The following ZNF438 variants were observed in gnomAD, a reference collection of about 807,000 sequenced individuals.
ZNF438 encodes the protein zinc finger protein 438.
Under a neutral mutation model 38.0 loss-of-function variants are expected in ZNF438, and 25 were observed. That is an observed-to-expected ratio of 0.66 (90% confidence interval 0.48 to 0.92). The LOEUF (loss-of-function observed/expected upper bound fraction) is 0.92. Ranked by LOEUF, ZNF438 falls within the 40% of genes least tolerant of loss-of-function variation. The pLI is 0.00. For missense variants in ZNF438, 1,007 were observed against 999.6 expected, an observed-to-expected ratio of 1.01 and a Z score of -0.10; for synonymous variants, 372 against 364.1, an observed-to-expected ratio of 1.02 and a Z score of -0.25.
chr10:30,854,606 T>C (rs2034292441), intron 4 of ZNF438, among the ~76,000 whole-genome samples: 1 of 152,218 alleles, frequency 6.6e-6, no homozygotes. Context: ...AAACAGAGGA[T>C]ATTTCTCTGA....
chr10:30,982,144 C>T (rs1321727685), intron 1 of ZNF438, among the ~76,000 whole-genome samples: 4 of 150,478 alleles, frequency 2.7e-5, no homozygotes. Context: ...CGCTGTCACC[C>T]AGGCTGGAGT....
intron 1 of ZNF438, among the ~76,000 whole-genome samples, chr10:30,985,029 T>C (rs927306885): frequency 2.6e-5 from 4 of 152,332 alleles, no homozygotes; most frequent in Non-Finnish European, 5.9e-5. Context: ...CATTGAGCCA[T>C]GTGTGAGATG....
At chr10:30,930,557 C>T (rs951531377) in intron 2 of ZNF438, among the ~76,000 whole-genome samples, 7 of 151,784 alleles carry the variant, frequency 4.6e-5, no homozygotes, top group Non-Finnish European at 7.4e-5. Flanking sequence ...GAGGAGGTGC[C>T]GAGAGCAAGC....
intron 1 of ZNF438, among the ~76,000 whole-genome samples, chr10:30,970,105 T>TACACAC (rs55745286): frequency 4.5e-4 from 66 of 145,214 alleles, no homozygotes; most frequent in African/African-American, 1.1e-3. Context: ...TGCTGGCTGA[T>TACACAC]ACACACACAC....
chr10:31,010,722 GA>G (rs891583294), intron 1 of ZNF438, among the ~76,000 whole-genome samples: 5 of 148,280 alleles, frequency 3.4e-5, no homozygotes, highest in Admixed American at 6.7e-5. Context: ...CCCTGCTCCA[GA>G]AAAAAAAAAT....
At chr10:30,892,118 A>G (rs1174799233) in intron 3 of ZNF438, among the ~76,000 whole-genome samples, 1 of 151,508 alleles carries the variant, frequency 6.6e-6, no homozygotes. Flanking sequence ...GGCTTTGATC[A>G]GTTTGGATTT....
intron 1 of ZNF438, among the ~76,000 whole-genome samples, chr10:30,972,235 CT>C: frequency 6.6e-6 from 1 of 152,272 alleles, no homozygotes; most frequent in African/African-American, 2.4e-5. Context: ...TCCCAAAGTG[CT>C]GGGATTACAA....
chr10:30,968,411 T>C (rs1168205414), intron 1 of ZNF438, among the ~76,000 whole-genome samples: 1 of 151,710 alleles, frequency 6.6e-6, no homozygotes, highest in Non-Finnish European at 1.5e-5. Flanking sequence ...GCCAGAAGCT[T>C]AGAGAATTTA....
In ZNF438 at chr10:30,874,307, C is replaced by T. The variant is rs1236939500; in HGVS notation, c.37+2691G>A. On this transcript the variant is annotated intron_variant, in intron 4 of 5. Transcript: ENST00000413025. ...GGGACTATAGGCATGAGCCATCACGCCTAGCTAATTTTGAAATTTTTTTGT... is the reference window on the plus strand; with the variant it reads ...GGGACTATAGGCATGAGCCATCACGTCTAGCTAATTTTGAAATTTTTTTGT... Among the ~76,000 whole-genome samples, 3 of 151,794 alleles carry T rather than the reference C, an allele frequency of 2.0e-5. No individual in the cohort carries two copies. In the East Asian group the frequency reaches 5.8e-4, roughly 29 times the overall value.
At chr10:30,916,578 T>C (rs2134743714) in intron 2 of ZNF438, among the ~76,000 whole-genome samples, 1 of 152,192 alleles carries the variant, frequency 6.6e-6, no homozygotes, top group African/African-American at 2.4e-5. Flanking sequence ...GTATCCCTAA[T>C]ATCTTGCTTA....
At chr10:30,928,203 C>CA (rs1180859564) in intron 2 of ZNF438, among the ~76,000 whole-genome samples, 2 of 152,030 alleles carry the variant, frequency 1.3e-5, no homozygotes, top group Non-Finnish European at 2.9e-5. Flanking sequence ...TCTGAAAAAT[C>CA]AAAATGCAAT....
intron 2 of ZNF438, among the ~76,000 whole-genome samples, chr10:30,914,783 T>G (rs540536525): frequency 6.6e-6 from 1 of 151,948 alleles, no homozygotes; most frequent in East Asian, 1.9e-4. Context: ...GAGATTTAGG[T>G]AGACAGAAAG....
At chr10:30,892,409 CA>C (rs1363230201) in intron 3 of ZNF438, among the ~76,000 whole-genome samples, 2 of 152,108 alleles carry the variant, frequency 1.3e-5, no homozygotes, top group African/African-American at 4.8e-5. Context: ...TGGTCTCTAT[CA>C]AAACTCTATC....
chr10:30,848,655 C>T, exon 5 of ZNF438: 1 of 1,614,140 alleles, frequency 6.2e-7, no homozygotes, highest in Non-Finnish European at 8.5e-7. Context: ...TTCAGATGGC[C>T]AAAATAGACT....
intron 1 of ZNF438, among the ~76,000 whole-genome samples, chr10:30,986,468 A>G: frequency 6.6e-6 from 1 of 152,226 alleles, no homozygotes. Context: ...CAGCTTGTCA[A>G]CTAGGAATGT....
At chr10:30,937,526 C>T (rs1360844739) in intron 2 of ZNF438, among the ~76,000 whole-genome samples, 2 of 152,142 alleles carry the variant, frequency 1.3e-5, no homozygotes, top group Non-Finnish European at 2.9e-5. Context: ...ACTTCACTTA[C>T]TATTATGAGT....
At chr10:30,884,607 G>A (rs896230233) in intron 3 of ZNF438, among the ~76,000 whole-genome samples, 1 of 151,992 alleles carries the variant, frequency 6.6e-6, no homozygotes, top group African/African-American at 2.4e-5. Context: ...TATCAGAAAG[G>A]AATAAAATTA....
At chr10:30,935,556 C>A (rs1258506512) in intron 2 of ZNF438, among the ~76,000 whole-genome samples, 1 of 152,142 alleles carries the variant, frequency 6.6e-6, no homozygotes, top group African/African-American at 2.4e-5. Context: ...GACTCAAACA[C>A]CTCCCATTAG....
rs142016430 is a variant in ZNF438 at position 30,866,470 on chromosome 10, T to C, written c.37+10528A>G. Among the ~76,000 whole-genome samples, 14 of 152,314 alleles carry C rather than the reference T, an allele frequency of 9.2e-5. No individual in the cohort carries two copies. The East Asian group carries it at 2.7e-3, about 29-fold the overall frequency. ...AAAGTCATTTTCTTTCAAGTGGCAATTGGAATTTTGGAAAATTTGAATTCA... is the reference window on the plus strand; with the variant it reads ...AAAGTCATTTTCTTTCAAGTGGCAACTGGAATTTTGGAAAATTTGAATTCA... On this transcript the variant is annotated intron_variant, in intron 4 of 5. Transcript: ENST00000413025.
Sources: allele counts gnomAD v4.1 joint callset (sites outside exome capture counted in the v4.1 genomes callset), GRCh38; gene constraint gnomAD v4.1.1; transcripts MANE v1.5; gene names NCBI Gene and HGNC (gene_info 2026-07-23, HGNC 2026-07-21).